Variants in CAMTA1 observed in about 807,000 individuals in gnomAD.
CAMTA1 encodes the protein calmodulin-binding transcription activator 1.
Under a neutral mutation model 170.9 loss-of-function variants are expected in CAMTA1, and 27 were observed. That is an observed-to-expected ratio of 0.16 (90% CI 0.12 to 0.22). The LOEUF is 0.22. Among genes scored for constraint, CAMTA1 ranks in the 10% least tolerant of loss-of-function variants. The pLI, the probability that CAMTA1 is intolerant of heterozygous loss-of-function variation, is 1.00. For missense variants in CAMTA1, 1,619 were observed against 2,217.2 expected (o/e 0.73, Z 5.42); for synonymous variants, 833 against 891.5 (o/e 0.93, Z 1.17).
chr1:7,310,725 TC>T (rs1378284427), intron 5 of CAMTA1, among the ~76,000 whole-genome samples: 16,443 of 117,480 alleles, frequency 0.14, 2,889 homozygotes, highest in Middle Eastern at 0.27. Flanking sequence ...TTTCTTTCTT[TC>T]TTTCTTTCTT....
rs984951939 is a variant in CAMTA1 at position 7,634,104 on chromosome 1, C to T, written c.511-6296C>T. ...AGTGCCAAGGAGCCGTCCGGAACAGCCCAACCACGCCTGCTGCTGTTTGAA... is the reference window on the plus strand; with the variant it reads ...AGTGCCAAGGAGCCGTCCGGAACAGTCCAACCACGCCTGCTGCTGTTTGAA... On this transcript the variant is annotated intron_variant, in intron 6 of 22. Coordinates refer to ENST00000303635, the MANE Select transcript of CAMTA1 (RefSeq NM_015215.4). This position sits in a 1 kb window ranked among gnomAD's most constrained non-coding sequence, Gnocchi z 6.2. Among the ~76,000 whole-genome samples the T allele has an allele frequency of 2.0e-5, 3 of 152,150 alleles. No homozygotes were observed. In the East Asian group the frequency reaches 5.8e-4, roughly 29 times the overall value.
At chr1:7,705,855 T>C (rs1230684095) in intron 11 of CAMTA1, among the ~76,000 whole-genome samples, 7 of 152,198 alleles carry the variant, frequency 4.6e-5, no homozygotes, top group African/African-American at 1.4e-4. Context: ...AGAGCTTTGC[T>C]TCCCTGCAGA....
chr1:7,445,964 G>T lies in CAMTA1; in HGVS notation c.439-21866G>T, dbSNP rs544459874. Among the ~76,000 whole-genome samples the T allele has an allele frequency of 1.4e-3, 216 of 152,182 alleles. 1 individual carries two copies. The Middle Eastern group carries it at 0.017, about 12-fold the overall frequency. ...ATCTGGGTGTGGCCACAGATGCCTG[G>T]CGTGACCTTGGACACAGCTGTGGCT... On this transcript the variant is annotated intron_variant, in intron 5 of 22. Transcript: ENST00000303635.
At chr1:7,025,194 G>A (rs923079458) in intron 3 of CAMTA1, among the ~76,000 whole-genome samples, 1 of 152,230 alleles carries the variant, frequency 6.6e-6, no homozygotes, top group African/African-American at 2.4e-5. Context: ...ATTAATCAGC[G>A]TTTGGGGGAG....
chr1:6,941,082 G>A (rs899928650), intron 3 of CAMTA1, among the ~76,000 whole-genome samples: 4 of 152,018 alleles, frequency 2.6e-5, no homozygotes, highest in African/African-American at 4.8e-5. Context: ...AGCCCACATG[G>A]CCTGGAAGTG....
In CAMTA1 at chr1:7,492,331, C is replaced by T. The variant is rs146335775; in HGVS notation, c.510+24430C>T. 3.1e-3 allele frequency among the ~76,000 whole-genome samples: 473 copies of T among 152,304 alleles called. 5 individuals carry two copies. Among genetic ancestry groups the T allele is most frequent in the African/African-American group, 0.01 (430 of 41,580 alleles). ...CTGCCCTGCTTAGGGCTGGGCAGGG[C>T]TTACGGGCGTGACATGCATAGAGGC... On this transcript the variant is annotated intron_variant, in intron 6 of 22. Coordinates refer to ENST00000303635, the MANE Select transcript of CAMTA1 (RefSeq NM_015215.4).
intron 5 of CAMTA1, among the ~76,000 whole-genome samples, chr1:7,416,374 C>T (rs1301189592): frequency 6.6e-6 from 1 of 152,206 alleles, no homozygotes; most frequent in East Asian, 1.9e-4. Context: ...TGGTTCCATT[C>T]TCCCCGTCAC....
chr1:7,261,943 C>T (rs1668238013), intron 5 of CAMTA1, among the ~76,000 whole-genome samples: 1 of 152,200 alleles, frequency 6.6e-6, no homozygotes, highest in African/African-American at 2.4e-5. Flanking sequence ...AACCCCAAGA[C>T]TCCTTGTTTT....
intron 5 of CAMTA1, among the ~76,000 whole-genome samples, chr1:7,365,189 CCT>C (rs987167816): frequency 4.6e-5 from 7 of 151,510 alleles, no homozygotes; most frequent in African/African-American, 1.7e-4. Context: ...TGAATTCCAG[CCT>C]CTGTCTGGAG....
chr1:7,720,475 A>G (rs1453352112), intron 11 of CAMTA1, among the ~76,000 whole-genome samples: 1 of 152,086 alleles, frequency 6.6e-6, no homozygotes, highest in Non-Finnish European at 1.5e-5. Context: ...TCCCTCTCCC[A>G]GGTTCAAGCA....
intron 5 of CAMTA1, among the ~76,000 whole-genome samples, chr1:7,273,769 A>T (rs897759512): frequency 3.3e-5 from 5 of 152,342 alleles, no homozygotes; most frequent in Admixed American, 3.3e-4. Flanking sequence ...AAATAAGATA[A>T]TTGATTGTCT....
intron 3 of CAMTA1, among the ~76,000 whole-genome samples, chr1:6,956,992 T>A (rs1269653276): frequency 6.6e-6 from 1 of 152,222 alleles, no homozygotes; most frequent in Non-Finnish European, 1.5e-5. Context: ...TCTTCCCAGC[T>A]GGGCTGCGAG....
At chr1:7,661,951 G>A (rs897391430) in intron 8 of CAMTA1, 85 bp downstream of exon 8, 4 of 1,452,172 alleles carry the variant, frequency 2.8e-6, no homozygotes, top group East Asian at 4.9e-5. Context: ...CTCTGTGGGA[G>A]TAGCCATGAC....
chr1:7,115,710 A>G (rs1368677987), intron 4 of CAMTA1, among the ~76,000 whole-genome samples: 1 of 151,964 alleles, frequency 6.6e-6, no homozygotes, highest in Non-Finnish European at 1.5e-5. Context: ...AGGAGAGCTG[A>G]TGGTGTTGTT....
intron 6 of CAMTA1, among the ~76,000 whole-genome samples, chr1:7,615,871 G>C (rs2095555659): frequency 6.6e-6 from 1 of 152,212 alleles, no homozygotes; most frequent in Admixed American, 6.5e-5. Context: ...CCCAGCCTCA[G>C]TTTCTCCATT....
chr1:6,905,667 T>A (rs1346522795), intron 3 of CAMTA1, among the ~76,000 whole-genome samples: 1 of 152,212 alleles, frequency 6.6e-6, no homozygotes, highest in Non-Finnish European at 1.5e-5. Context: ...AAACTCTCCC[T>A]CTTCTCTGTA....
At chr1:7,396,186 G>A (rs72853163) in intron 5 of CAMTA1, among the ~76,000 whole-genome samples, 2,027 of 152,170 alleles carry the variant, frequency 0.013, 41 homozygotes, top group African/African-American at 0.046. Context: ...TAGTTCCCAC[G>A]ATAGCTTGTT....
intron 3 of CAMTA1, among the ~76,000 whole-genome samples, chr1:6,837,728 C>T (rs894919940): frequency 3.3e-5 from 5 of 152,140 alleles, no homozygotes; most frequent in Non-Finnish European, 7.3e-5. Flanking sequence ...AAAATTTAGA[C>T]TTAACTCTGT....
intron 6 of CAMTA1, among the ~76,000 whole-genome samples, chr1:7,577,899 C>G (rs946489680): frequency 2.0e-5 from 3 of 152,150 alleles, no homozygotes; most frequent in Non-Finnish European, 4.4e-5. Context: ...TTTGCCAACC[C>G]CTGGCCTAGA....
Sources: gnomAD v4.1 joint callset for allele counts (sites outside exome capture counted in the v4.1 genomes callset) on GRCh38, gnomAD v4.1.1 for gene constraint, Gnocchi (gnomAD v3.1) non-coding constraint, MANE v1.5 for transcripts, NCBI Gene and HGNC (gene_info 2026-07-23, HGNC 2026-07-21) for gene names.